Variants in TANC2 observed in about 807,000 individuals in gnomAD.
The protein encoded by TANC2 is tetratricopeptide repeat, ankyrin repeat and coiled-coil containing 2, also known as protein TANC2.
TANC2 carries 26 observed loss-of-function variants against 210.5 expected under a neutral mutation model. The observed-to-expected ratio is 0.12, with a 90% CI of 0.09 to 0.17. TANC2 has a LOEUF of 0.17. Among genes scored for constraint, TANC2 ranks in the 10% least tolerant of loss-of-function variants. The pLI is 1.00. For synonymous variants in TANC2, 931 were observed against 967.1 expected (o/e 0.96, Z 0.69); for missense variants, 2,129 against 2,608.9 (o/e 0.82, Z 4.01).
intron 20 of TANC2, 28 bp downstream of exon 20, chr17:63,405,283 T>A (rs761353362): frequency 6.7e-5 from 102 of 1,530,468 alleles, no homozygotes; most frequent in Non-Finnish European, 9.0e-5. Flanking sequence ...TTCCAGTCCC[T>A]CAGGCAGGAC....
chr17:63,347,769 T>G (rs2046461885), intron 12 of TANC2, among the ~76,000 whole-genome samples: 1 of 152,078 alleles, frequency 6.6e-6, no homozygotes, highest in Admixed American at 6.5e-5. Context: ...AGACACAAAT[T>G]GTTTTGTTTT....
intron 15 of TANC2, among the ~76,000 whole-genome samples, chr17:63,386,120 A>G (rs569657900): frequency 2.5e-4 from 38 of 152,346 alleles, no homozygotes; most frequent in Non-Finnish European, 4.6e-4. Context: ...CTATAGATAT[A>G]TATGCATAGG....
chr17:63,412,855 G>A lies in TANC2; in HGVS notation c.3928+146G>A. 2.1e-6 allele frequency: 2 copies of A among 964,264 alleles called. No individual in the cohort carries two copies. The highest frequency in any genetic ancestry group is 1.7e-5 in the African/African-American group (1 of 59,440). 59.7% of individuals were successfully genotyped at this position (964,264 alleles called of 1,614,324 possible). A position where few individuals can be genotyped will look rare whatever the true frequency, so the allele number is the denominator to read the frequency against. On this transcript the variant is annotated intron_variant, in intron 24 of 27. Coordinates refer to ENST00000689528, the Ensembl canonical transcript of TANC2. The surrounding 1 kb of genome is among the most constrained non-coding windows in gnomAD (Gnocchi z 4.2). ...TAAAAGAAGATTTTTTTTAATGACTGTTGTAGAGAATAACTTGAACTTTTG... is the reference window on the plus strand; with the variant it reads ...TAAAAGAAGATTTTTTTTAATGACTATTGTAGAGAATAACTTGAACTTTTG...
chr17:63,121,517 A>T (rs1250033841), intron 4 of TANC2, among the ~76,000 whole-genome samples: 2 of 152,116 alleles, frequency 1.3e-5, no homozygotes, highest in Non-Finnish European at 2.9e-5. Flanking sequence ...TTGAATACTT[A>T]CCAAAGGGAT....
rs1199681406 is a variant in TANC2 at position 63,400,667 on chromosome 17, G to A, written c.3331+1753G>A. Among the ~76,000 whole-genome samples, 7 of 150,392 alleles carry A rather than the reference G, an allele frequency of 4.7e-5. No individual in the cohort carries two copies. The South Asian group carries it at 6.3e-4, about 14-fold the overall frequency. ...TTTTTTTTTTCTTTTTTTTTGAGAC[G>A]GAGTCTCACTCTGTCCCCCAGGCTA... On this transcript the variant is annotated intron_variant, in intron 19 of 27. Transcript: ENST00000689528.
At chr17:63,021,260 C>G (rs1054374386) in intron 2 of TANC2, among the ~76,000 whole-genome samples, 6 of 152,130 alleles carry the variant, frequency 3.9e-5, no homozygotes, top group Middle Eastern at 3.4e-3. Flanking sequence ...ATTTTTTCTT[C>G]CAGGGTTCTG....
intron 1 of TANC2, among the ~76,000 whole-genome samples, chr17:63,005,898 G>T (rs1423344420): frequency 3.6e-5 from 1 of 27,402 alleles, no homozygotes; most frequent in South Asian, 1.5e-3. Flanking sequence ...TGTATAGTTT[G>T]TGTGTGTGTG....
chr17:63,335,955 AG>A (rs1014710742), intron 11 of TANC2, among the ~76,000 whole-genome samples: 5 of 152,036 alleles, frequency 3.3e-5, no homozygotes, highest in African/African-American at 1.2e-4. Flanking sequence ...AATAAATAAA[AG>A]TCCTACTGCC....
At chr17:62,977,427 C>T (rs1330907831) in intron 1 of TANC2, among the ~76,000 whole-genome samples, 3 of 152,152 alleles carry the variant, frequency 2.0e-5, no homozygotes, top group Non-Finnish European at 4.4e-5. Flanking sequence ...GGAAAGACTA[C>T]TTATATGCAA....
intron 8 of TANC2, among the ~76,000 whole-genome samples, chr17:63,238,705 T>C (rs2042690234): frequency 1.3e-5 from 2 of 152,160 alleles, no homozygotes; most frequent in South Asian, 4.1e-4. Context: ...AGATACTACC[T>C]GAGACTGGAT....
chr17:63,224,685 C>T (rs1166130265), intron 7 of TANC2, among the ~76,000 whole-genome samples: 6 of 152,200 alleles, frequency 3.9e-5, no homozygotes, highest in African/African-American at 1.2e-4. Flanking sequence ...GGATGGTCAC[C>T]TTCAGGCTTT....
At chr17:63,319,184 A>T in intron 11 of TANC2, 94 bp downstream of exon 11, 1 of 1,288,796 alleles carries the variant, frequency 7.8e-7, no homozygotes, top group South Asian at 1.4e-5. Flanking sequence ...GAACAAAAAT[A>T]CGTAAAGCTA....
intron 9 of TANC2, among the ~76,000 whole-genome samples, chr17:63,307,677 T>G (rs2044967542): frequency 6.6e-6 from 1 of 152,258 alleles, no homozygotes; most frequent in African/African-American, 2.4e-5. Flanking sequence ...CTATAGAGAT[T>G]AATTCAGTGA....
At chr17:63,165,761 G>A (rs2040190156) in intron 5 of TANC2, among the ~76,000 whole-genome samples, 1 of 152,110 alleles carries the variant, frequency 6.6e-6, no homozygotes, top group South Asian at 2.1e-4. Flanking sequence ...TTCCACATTT[G>A]AATGAATTGT....
chr17:63,166,746 T>C (rs1223173606), intron 5 of TANC2, among the ~76,000 whole-genome samples: 5 of 152,068 alleles, frequency 3.3e-5, no homozygotes, highest in African/African-American at 1.2e-4. Flanking sequence ...CCCATAACAG[T>C]GTTAGATCTC....
At chr17:63,090,640 C>A (rs886583092) in intron 3 of TANC2, among the ~76,000 whole-genome samples, 2 of 152,154 alleles carry the variant, frequency 1.3e-5, no homozygotes, top group African/African-American at 4.8e-5. Context: ...CAAGTCTTTG[C>A]TATTGTGAAT....
At chr17:63,411,621 G>C (rs1323538032) in exon 22 of TANC2, 1 of 1,613,992 alleles carries the variant, frequency 6.2e-7, no homozygotes, top group African/African-American at 1.3e-5. Flanking sequence ...AGCTGCCACA[G>C]ACCATGCTGA....
At chr17:63,362,498 C>T (rs1444712942) in intron 14 of TANC2, among the ~76,000 whole-genome samples, 2 of 152,200 alleles carry the variant, frequency 1.3e-5, no homozygotes, top group African/African-American at 4.8e-5. Context: ...TCATCCATGG[C>T]ACCCAGGCTG....
intron 9 of TANC2, among the ~76,000 whole-genome samples, chr17:63,297,333 A>G (rs2044566991): frequency 6.6e-6 from 1 of 152,198 alleles, no homozygotes; most frequent in South Asian, 2.1e-4. Flanking sequence ...AGCTGTATTA[A>G]TCAAAACACT....
Sources: gnomAD v4.1 joint callset for allele counts (sites outside exome capture counted in the v4.1 genomes callset) on GRCh38, gnomAD v4.1.1 for gene constraint, Gnocchi (gnomAD v3.1) non-coding constraint, MANE v1.5 for transcripts, NCBI Gene and HGNC (gene_info 2026-07-23, HGNC 2026-07-21) for gene names.